The following CDKN2B-AS1 variants were observed in gnomAD, a reference collection of about 807,000 sequenced individuals.
The protein encoded by CDKN2B-AS1 is CDKN2B and CDKN2A antisense cis and trans regulatory RNA 1, also known as CDKN2B antisense RNA 1 (non-protein coding).
chr9:22,043,067 AAGGAGCTATC>A (rs1422128304), intron 1 of CDKN2B-AS1, among the ~76,000 whole-genome samples: 1 of 152,028 alleles, frequency 6.6e-6, no homozygotes, highest in Non-Finnish European at 1.5e-5. Flanking sequence ...CCCAAATTTT[AAGGAGCTATC>A]AGGTCTGTAT....
intron 1 of CDKN2B-AS1, chr9:22,029,693 G>C (rs1179901215): frequency 1.1e-5 from 5 of 446,378 alleles, no homozygotes; most frequent in Non-Finnish European, 2.0e-5. Context: ...TACATTATTA[G>C]AAAATATTTT....
intron 4 of CDKN2B-AS1, among the ~76,000 whole-genome samples, chr9:22,104,465 G>C (rs1448161065): frequency 6.6e-6 from 1 of 152,160 alleles, no homozygotes; most frequent in African/African-American, 2.4e-5. Context: ...CAGAAATAAT[G>C]TTTGTGGTAC....
At chr9:22,044,653 G>T (rs571855205) in intron 1 of CDKN2B-AS1, among the ~76,000 whole-genome samples, 1 of 151,998 alleles carries the variant, frequency 6.6e-6, no homozygotes, top group East Asian at 1.9e-4. Flanking sequence ...CCTCTGCATT[G>T]GTTTTGCATA....
rs552527506 is a variant in CDKN2B-AS1 at position 22,039,213 on chromosome 9, G to A, written n.30-7538G>A. 7.8e-4 allele frequency among the ~76,000 whole-genome samples: 119 copies of A among 152,006 alleles called. No individual in the cohort carries two copies. The highest frequency in any genetic ancestry group is 2.7e-3 in the African/African-American group (112 of 41,506). On this transcript the variant is annotated intron_variant and non_coding_transcript_variant, in intron 1 of 4. Coordinates refer to ENST00000650946, the Ensembl canonical transcript of CDKN2B-AS1. This position sits in a 1 kb window ranked among gnomAD's most constrained non-coding sequence, Gnocchi z 4.4. ...TCCAAATCTTTAGACTTTGTTGCTCGGTGGAACTAGAATCATTAATATCTC... is the reference window on the plus strand; with the variant it reads ...TCCAAATCTTTAGACTTTGTTGCTCAGTGGAACTAGAATCATTAATATCTC...
chr9:22,122,497 C>T (rs72654292), intron 4 of CDKN2B-AS1, among the ~76,000 whole-genome samples: 2 of 152,034 alleles, frequency 1.3e-5, no homozygotes, highest in African/African-American at 2.4e-5. Flanking sequence ...AGCATTTCTT[C>T]TATGTTTTCT....
rs1822814466 is a variant in CDKN2B-AS1, at chr9:22,039,407, C to G, written n.30-7344C>G. On this transcript the variant is annotated intron_variant and non_coding_transcript_variant, in intron 1 of 4. Transcript: ENST00000650946. The surrounding 1 kb of genome is among the most constrained non-coding windows in gnomAD (Gnocchi z 4.4). ...CTTCCTGTGGCAACAAGAGTCAATT[C>G]TCCATATATAAATACTCGGCCCCTG... Among the ~76,000 whole-genome samples, 1 of 151,976 alleles carries G rather than the reference C, an allele frequency of 6.6e-6. No individual in the cohort carries two copies. The highest frequency in any genetic ancestry group is 3.2e-3 in the Middle Eastern group (1 of 316).
chr9:22,078,567 G>A (rs1474003323), intron 4 of CDKN2B-AS1, among the ~76,000 whole-genome samples: 3 of 152,310 alleles, frequency 2.0e-5, no homozygotes, highest in South Asian at 2.1e-4. Context: ...TGTGTCTCAA[G>A]CTTTAGCAAA....
At position 22,090,818 on chromosome 9, in the gene CDKN2B-AS1, T is replaced by C. The variant is rs200717590; in HGVS notation, n.438+34431T>C. The stretch of plus-strand genomic sequence containing the variant: ...GGTAGTTTCTTTTGCTGTGCAGAAG[T>C]TCTTTAGTTTAATTAGATCCCATTT... On this transcript the variant is annotated intron_variant and non_coding_transcript_variant, in intron 4 of 4. Transcript: ENST00000650946. Among the ~76,000 whole-genome samples the C allele has an allele frequency of 1.2e-4, 18 of 152,158 alleles. No homozygotes were observed. The South Asian group carries it at 2.1e-3, about 18-fold the overall frequency.
Position 22,000,100 on chromosome 9 carries a change from T to C in CDKN2B-AS1, n.29+4939T>C, listed in dbSNP as rs1341909034. ...AATTATTAAATAACAACCACAGGAA[T>C]ATTGGGGCTCAAACCTAGAGATTCT... is the stretch of plus-strand genomic sequence containing the variant. On this transcript the variant is annotated intron_variant and non_coding_transcript_variant, in intron 1 of 4. Coordinates refer to ENST00000650946, the Ensembl canonical transcript of CDKN2B-AS1. The surrounding 1 kb of genome is among the most constrained non-coding windows in gnomAD (Gnocchi z 4.1). Among the ~76,000 whole-genome samples, 1 of 152,146 alleles carries C rather than the reference T, an allele frequency of 6.6e-6. No homozygotes were observed. Among genetic ancestry groups the C allele is most frequent in the Non-Finnish European group, 1.5e-5 (1 of 67,998 alleles).
intron 4 of CDKN2B-AS1, among the ~76,000 whole-genome samples, chr9:22,108,028 T>G (rs371056196): frequency 6.6e-6 from 1 of 152,232 alleles, no homozygotes; most frequent in Non-Finnish European, 1.5e-5. Context: ...TCTGACTATG[T>G]TTTCTTAAAC....
At chr9:22,037,981 T>G (rs776610435) in intron 1 of CDKN2B-AS1, among the ~76,000 whole-genome samples, 5 of 152,030 alleles carry the variant, frequency 3.3e-5, no homozygotes, top group Non-Finnish European at 7.4e-5. Flanking sequence ...AATGAAAATC[T>G]GAAGGTACTC....
intron 1 of CDKN2B-AS1, among the ~76,000 whole-genome samples, chr9:22,007,413 C>A (rs1219001071): frequency 1.3e-5 from 2 of 152,164 alleles, no homozygotes; most frequent in East Asian, 3.9e-4. Context: ...AGCAGTCAAT[C>A]AGGATGATGC....
In CDKN2B-AS1 at chr9:21,996,987, C is replaced by T. The variant is rs7860185; in HGVS notation, n.29+1826C>T. On this transcript the variant is annotated intron_variant and non_coding_transcript_variant, in intron 1 of 4. Coordinates refer to ENST00000650946, the Ensembl canonical transcript of CDKN2B-AS1. This position sits in a 1 kb window ranked among gnomAD's most constrained non-coding sequence, Gnocchi z 5.4. Reference sequence around the variant, plus strand: ...AAACAGAACCCATTGTGTGTGTGTGCGTGCCAGTACCACACATATGTATAT... The same window carrying T: ...AAACAGAACCCATTGTGTGTGTGTGTGTGCCAGTACCACACATATGTATAT... Among the ~76,000 whole-genome samples the T allele has an allele frequency of 0.022, 3,278 of 152,128 alleles. 123 individuals carry two copies. Among genetic ancestry groups the T allele is most frequent in the African/African-American group, 0.075 (3,116 of 41,470 alleles).
intron 4 of CDKN2B-AS1, among the ~76,000 whole-genome samples, chr9:22,106,327 C>T (rs1331632260): frequency 3.9e-5 from 6 of 152,034 alleles, no homozygotes; most frequent in African/African-American, 7.2e-5. Flanking sequence ...ATGATCCGCC[C>T]GCCTCAGCCT....
intron 1 of CDKN2B-AS1, among the ~76,000 whole-genome samples, chr9:22,009,981 C>T (rs898074087): frequency 6.7e-6 from 1 of 148,672 alleles, no homozygotes; most frequent in African/African-American, 2.6e-5. Context: ...ACCTGGCACA[C>T]ATAAGACAAA....
intron 4 of CDKN2B-AS1, among the ~76,000 whole-genome samples, chr9:22,102,234 T>C (rs143491684): frequency 2.9e-4 from 44 of 152,308 alleles, no homozygotes; most frequent in African/African-American, 1.0e-3. Flanking sequence ...TCTGTTTTTT[T>C]CCCCGGCTTT....
At chr9:22,031,829 C>T (rs562451864) in intron 1 of CDKN2B-AS1, among the ~76,000 whole-genome samples, 9 of 152,250 alleles carry the variant, frequency 5.9e-5, no homozygotes, top group South Asian at 2.1e-4. Flanking sequence ...CAGAAGATTG[C>T]GACCTCCGTC....
intron 2 of CDKN2B-AS1, among the ~76,000 whole-genome samples, chr9:22,047,082 T>C (rs1823139060): frequency 6.6e-6 from 1 of 152,164 alleles, no homozygotes; most frequent in Non-Finnish European, 1.5e-5. Context: ...TAAATCCATG[T>C]GATACAGGTA....
At chr9:22,029,465 A>G (rs1317869433) in intron 1 of CDKN2B-AS1, 11 of 779,640 alleles carry the variant, frequency 1.4e-5, no homozygotes, top group Middle Eastern at 2.3e-4. Context: ...AAGGATTCCA[A>G]GAGAGAATAT....
Sources: gnomAD v4.1 joint callset for allele counts (sites outside exome capture counted in the v4.1 genomes callset) on GRCh38, gnomAD v4.1.1 for gene constraint, Gnocchi (gnomAD v3.1) non-coding constraint, MANE v1.5 for transcripts, NCBI Gene and HGNC (gene_info 2026-07-23, HGNC 2026-07-21) for gene names.